CFAP58: variants seen among roughly 807,000 people sequenced by gnomAD.
CFAP58 encodes cilia and flagella associated protein 58.
In CFAP58, 88 loss-of-function variants were observed where a neutral mutation model predicts 119.5. That is an observed-to-expected ratio of 0.74 (90% CI 0.62 to 0.88). The LOEUF (loss-of-function observed/expected upper bound fraction) is 0.88. Ranked by LOEUF, CFAP58 falls within the 40% of genes least tolerant of loss-of-function variation. The pLI is 0.00. For synonymous variants in CFAP58, 365 were observed against 366.3 expected (o/e 1.00, Z 0.04); for missense variants, 990 against 1,021.2 (o/e 0.97, Z 0.42).
chr10:104,454,495 G>A lies in CFAP58; in HGVS notation c.2584G>A (p.Gly862Arg), dbSNP rs766303918. The A allele has an allele frequency of 3.1e-6, 5 of 1,613,654 alleles. No homozygotes were observed. Among genetic ancestry groups the A allele is most frequent in the Admixed American group, 1.7e-5 (1 of 59,958 alleles). The change falls in exon 18 of 18, where the codon GGA becomes AGA. Residue 862 changes from glycine to arginine, a missense_variant. Transcript: ENST00000369704. ...AAATGGTCCTGGTTTTACTGGGGGC[G>A]GATTTCCTCTCAGGTCAACCAAAAT... is the stretch of plus-strand genomic sequence containing the variant. Reference protein sequence around the residue: ...KPNGPGFTGGGFPLRSTKMTF With the variant: ...KPNGPGFTGGRFPLRSTKMTF
At chr10:104,408,121 G>A (rs1327007631) in intron 15 of CFAP58, among the ~76,000 whole-genome samples, 1 of 152,156 alleles carries the variant, frequency 6.6e-6, no homozygotes, top group African/African-American at 2.4e-5. Flanking sequence ...CCCTAAAGTT[G>A]GGTATACAGT....
chr10:104,364,949 C>T, intron 4 of CFAP58, 60 bp downstream of exon 4: 2 of 1,546,024 alleles, frequency 1.3e-6, no homozygotes, highest in Admixed American at 1.9e-5. Flanking sequence ...TGTCCCTCCA[C>T]AGTCTCTATT....
At chr10:104,373,526 T>C (rs2014850876) in intron 7 of CFAP58, among the ~76,000 whole-genome samples, 2 of 152,046 alleles carry the variant, frequency 1.3e-5, no homozygotes. Flanking sequence ...TAGTGGCACA[T>C]GCCTATAGTC....
intron 15 of CFAP58, among the ~76,000 whole-genome samples, chr10:104,433,730 A>C (rs2012887145): frequency 6.6e-6 from 1 of 152,228 alleles, no homozygotes; most frequent in Non-Finnish European, 1.5e-5. Flanking sequence ...TTGAGTATTT[A>C]ATTCCATCAG....
At chr10:104,399,194 G>T (rs547602088) in intron 11 of CFAP58, among the ~76,000 whole-genome samples, 166 bp from the exon 12 acceptor site, 3 of 152,152 alleles carry the variant, frequency 2.0e-5, no homozygotes, top group African/African-American at 7.2e-5. Context: ...GTGTGTGTGT[G>T]TGTGTGTTGT....
At chr10:104,371,894 CTG>C (rs374427997) in intron 7 of CFAP58, among the ~76,000 whole-genome samples, 8 of 152,332 alleles carry the variant, frequency 5.3e-5, no homozygotes, top group African/African-American at 1.7e-4. Flanking sequence ...GCAGGAACAT[CTG>C]TGTCCTGTTG....
upstream of CFAP58, among the ~76,000 whole-genome samples, chr10:104,352,784 C>T (rs1430505860): frequency 1.3e-5 from 2 of 152,156 alleles, no homozygotes; most frequent in Non-Finnish European, 2.9e-5. Flanking sequence ...GTAGATGCCC[C>T]TTATGAAACG....
chr10:104,423,938 T>A (rs1162850833), intron 15 of CFAP58, among the ~76,000 whole-genome samples: 1 of 152,210 alleles, frequency 6.6e-6, no homozygotes, highest in African/African-American at 2.4e-5. Flanking sequence ...GAAATTAATT[T>A]GTATTTATAG....
At chr10:104,353,986 G>A in intron 1 of CFAP58, 80 bp downstream of exon 1, 1 of 1,531,084 alleles carries the variant, frequency 6.5e-7, no homozygotes, top group Non-Finnish European at 9.0e-7. Flanking sequence ...TGTCACAAAC[G>A]GTGATTCCAA....
chr10:104,363,610 T>C (rs115502808), intron 3 of CFAP58, among the ~76,000 whole-genome samples: 1,627 of 152,276 alleles, frequency 0.011, 38 homozygotes, highest in African/African-American at 0.037. Flanking sequence ...AGGAGGAGAA[T>C]GGAAGAAACA....
At chr10:104,424,915 C>T (rs2012719014) in intron 15 of CFAP58, among the ~76,000 whole-genome samples, 1 of 152,174 alleles carries the variant, frequency 6.6e-6, no homozygotes, top group Non-Finnish European at 1.5e-5. Context: ...TGCCTAAAAA[C>T]ATACATTAAG....
intron 15 of CFAP58, among the ~76,000 whole-genome samples, chr10:104,440,081 C>T (rs557730820): frequency 6.8e-6 from 1 of 147,900 alleles, no homozygotes. Flanking sequence ...CTGGGCCTCC[C>T]AAAGTGCTGG....
rs1012663773 is a variant in CFAP58 at position 104,358,360 on chromosome 10, T to C, written c.29T>C (p.Val10Ala). 1.9e-6 allele frequency: 3 copies of C among 1,612,904 alleles called. No individual in the cohort carries two copies. Among genetic ancestry groups the C allele is most frequent in the South Asian group, 1.1e-5 (1 of 91,028 alleles). MAEEKGGKQ[V>A]LEESAFEEME... ...CTATAGGAAAAGGGTGGAAAGCAAGTCCTGGAAGAATCTGCATTTGAAGAA... is the reference window on the plus strand; with the variant it reads ...CTATAGGAAAAGGGTGGAAAGCAAGCCCTGGAAGAATCTGCATTTGAAGAA... The change falls in exon 2 of 18, where the codon GTC becomes GCC. Residue 10 changes from valine to alanine, a missense_variant. Val to Ala is a moderately conservative substitution (Grantham distance 64). Coordinates refer to ENST00000369704, the MANE Select transcript of CFAP58 (RefSeq NM_001008723.2).
At chr10:104,451,091 T>C (rs2013188983) in intron 17 of CFAP58, among the ~76,000 whole-genome samples, 1 of 152,232 alleles carries the variant, frequency 6.6e-6, no homozygotes. Context: ...TGAAACGAAC[T>C]AGTTTTGAAA....
At chr10:104,416,455 T>C (rs2012556034) in intron 15 of CFAP58, among the ~76,000 whole-genome samples, 1 of 152,204 alleles carries the variant, frequency 6.6e-6, no homozygotes, top group African/African-American at 2.4e-5. Flanking sequence ...ACTTTCTCTA[T>C]AATTTAATTT....
chr10:104,423,336 T>A (rs966788311), intron 15 of CFAP58, among the ~76,000 whole-genome samples: 2 of 152,214 alleles, frequency 1.3e-5, no homozygotes, highest in Admixed American at 6.5e-5. Context: ...GTTGATAAAT[T>A]AGTCTTTTAA....
At chr10:104,340,970 T>C in the CFAP58 span, among the ~76,000 whole-genome samples, 1 of 152,104 alleles carries the variant, frequency 6.6e-6, no homozygotes, top group African/African-American at 2.4e-5. Context: ...CTGGATGAAT[T>C]TTAAAATGTC....
chr10:104,394,663 A>T (rs2012115812), intron 11 of CFAP58, among the ~76,000 whole-genome samples: 1 of 152,208 alleles, frequency 6.6e-6, no homozygotes, highest in Admixed American at 6.5e-5. Context: ...ATTGTAACTG[A>T]TATATTTACC....
chr10:104,340,186 G>C, the CFAP58 span, among the ~76,000 whole-genome samples: 1 of 152,172 alleles, frequency 6.6e-6, no homozygotes, highest in Non-Finnish European at 1.5e-5. Flanking sequence ...AGTCGTTCAT[G>C]AACTGGCCTC....
Sources: gnomAD v4.1 joint callset for allele counts (sites outside exome capture counted in the v4.1 genomes callset) on GRCh38, gnomAD v4.1.1 for gene constraint, MANE v1.5 for transcripts, NCBI Gene and HGNC (gene_info 2026-07-23, HGNC 2026-07-21) for gene names.